Variants in MYRF observed in about 807,000 individuals in gnomAD.
MYRF encodes the protein myelin gene regulatory factor.
Under a neutral mutation model 126.3 loss-of-function variants are expected in MYRF, and 16 were observed. The observed-to-expected ratio is 0.13, with a 90% CI of 0.09 to 0.19. The LOEUF is 0.19. MYRF is among the 10% of genes least tolerant of loss of function. The pLI, the probability that MYRF is intolerant of heterozygous loss-of-function variation, is 1.00. For missense variants in MYRF, 1,104 were observed against 1,547.0 expected, an observed-to-expected ratio of 0.71 and a Z score of 4.80; for synonymous variants, 608 against 635.3, an observed-to-expected ratio of 0.96 and a Z score of 0.65.
Position 61,779,850 on chromosome 11 carries a change from C to A in MYRF, c.2256C>A (p.Ser752=). Residue 752 remains serine (S), a synonymous_variant, in exon 17 of 27, where the codon TCC becomes TCA. Transcript: ENST00000278836. The part of the protein sequence containing the change: ...RPPKVASKSS[S]VVPDQACISQ... The stretch of plus-strand genomic sequence containing the variant: ...TTCCTCTTGGTCCTCAGTCATCGTC[C>A]GTGGTTCCGGACCAGGCCTGCATCA... The A allele has an allele frequency of 6.2e-7, 1 of 1,613,788 alleles. No homozygotes were observed. Among genetic ancestry groups the A allele is most frequent in the Non-Finnish European group, 8.5e-7 (1 of 1,179,748 alleles).
chr11:61,766,887 G>GC, intron 3 of MYRF: 1 of 391,152 alleles, frequency 2.6e-6, no homozygotes, highest in Non-Finnish European at 5.2e-6. Context: ...AAATGTAGGG[G>GC]CCCCTGTCTC....
chr11:61,774,409 C>G (rs1472435930), intron 8 of MYRF, among the ~76,000 whole-genome samples: 1 of 151,780 alleles, frequency 6.6e-6, no homozygotes, highest in Non-Finnish European at 1.5e-5. Context: ...ATCTCAGCTA[C>G]TTGGGAAGCT....
At position 61,757,149 on chromosome 11, in the gene MYRF, G is replaced by A. The variant is rs1038623105; in HGVS notation, c.46+4359G>A. On this transcript the variant is annotated intron_variant, in intron 1 of 26. Coordinates refer to ENST00000278836, the MANE Select transcript of MYRF (RefSeq NM_001127392.3). The surrounding 1 kb of genome is among the most constrained non-coding windows in gnomAD (Gnocchi z 4.7). The stretch of plus-strand genomic sequence containing the variant: ...CTCAGTTTCTCTCATTGCCTTGGGT[G>A]CTGGAGTATGTGGGGCCTCCTCTCC... 2.2e-6 allele frequency: 1 copy of A among 456,924 alleles called. No homozygotes were observed. The highest frequency in any genetic ancestry group is 4.4e-6 in the Non-Finnish European group (1 of 226,950). 28.3% of individuals were successfully genotyped at this position (456,924 alleles called of 1,614,324 possible). A position where few individuals can be genotyped will look rare whatever the true frequency, so the allele number is the denominator to read the frequency against.
chr11:61,787,360 G>A lies in MYRF; in HGVS notation c.*1217G>A, dbSNP rs2066717912. 2 of 152,304 alleles carry A rather than the reference G, an allele frequency of 1.3e-5. No individual in the cohort carries two copies. Among genetic ancestry groups the A allele is most frequent in the African/African-American group, 2.4e-5 (1 of 41,428 alleles). 9.4% of individuals were successfully genotyped at this position (152,304 alleles called of 1,614,324 possible). On this transcript the variant is annotated 3_prime_UTR_variant, in exon 27 of 27. Coordinates refer to ENST00000278836, the MANE Select transcript of MYRF (RefSeq NM_001127392.3). ...TTCAAGTTTCTTAGTGGTGCCTGGT[G>A]CATTCCGAGGCTACATCCAGGCTCA...
At chr11:61,754,626 G>T (rs1322271035) in intron 1 of MYRF, among the ~76,000 whole-genome samples, 1 of 152,158 alleles carries the variant, frequency 6.6e-6, no homozygotes, top group Non-Finnish European at 1.5e-5. Context: ...TGGACTCCCT[G>T]GCTCCCTCCT....
In MYRF at chr11:61,777,909, T is replaced by C; in HGVS notation, c.1903+64T>C. 1 of 1,309,114 alleles carries C rather than the reference T, an allele frequency of 7.6e-7. No homozygotes were observed. Among genetic ancestry groups the C allele is most frequent in the Non-Finnish European group, 1.1e-6 (1 of 933,648 alleles). 81.1% of individuals were successfully genotyped at this position (1,309,114 alleles called of 1,614,324 possible). A position where few individuals can be genotyped will look rare whatever the true frequency, so the allele number is the denominator to read the frequency against. ...CAGAAACCTCGGGCCTCAGTGACCT[T>C]GCCCCCTGTCACCTGGAAATCCTAC... On this transcript the variant is annotated intron_variant, in intron 13 of 26. Coordinates refer to ENST00000278836, the MANE Select transcript of MYRF (RefSeq NM_001127392.3). This position sits in a 1 kb window ranked among gnomAD's most constrained non-coding sequence, Gnocchi z 8.8.
chr11:61,758,027 C>T (rs1373895809), intron 1 of MYRF, among the ~76,000 whole-genome samples: 7 of 152,164 alleles, frequency 4.6e-5, no homozygotes, highest in African/African-American at 1.4e-4. Flanking sequence ...TCAGAGCCCT[C>T]ACTCACATGG....
intron 3 of MYRF, chr11:61,766,924 G>A (rs1300951107): frequency 2.3e-6 from 1 of 441,612 alleles, no homozygotes; most frequent in Admixed American, 2.4e-5. Context: ...AAAACACTAG[G>A]TGCATGAACT....
At position 61,771,909 on chromosome 11, in the gene MYRF, C is replaced by G. The variant is rs1421001042; in HGVS notation, c.1072C>G (p.Gln358Glu). The G allele has an allele frequency of 3.7e-6, 6 of 1,614,126 alleles. No homozygotes were observed. The highest frequency in any genetic ancestry group is 5.1e-6 in the Non-Finnish European group (6 of 1,180,020). ...GTCCATCAAGTGGCAGCCTCATCAGCAGAACAAGTGGGCGACCCTGTACGA... is the reference window on the plus strand; with the variant it reads ...GTCCATCAAGTGGCAGCCTCATCAGGAGAACAAGTGGGCGACCCTGTACGA... ...YQSIKWQPHQ[Q>E]NKWATLYDAN... The change falls in exon 7 of 27, where the codon CAG becomes GAG. Residue 358 changes from glutamine (Q) to glutamate (E), a missense_variant. Transcript: ENST00000278836.
In MYRF at chr11:61,766,206, C is replaced by A. The variant is rs1449712377; in HGVS notation, c.383C>A (p.Ala128Asp). ...CCCCCCATCAAGGCTGAGCCCAAGG[C>A]TCCCTATGCCCCAGGGTGAGTAAGG... ...TGPPIKAEPK[A>D]PYAPGTLPDS... Residue 128 changes from alanine to aspartate, a missense_variant, in exon 3 of 27, where the codon GCT becomes GAT. By Grantham distance (126) the Ala-to-Asp change is moderately radical. Transcript: ENST00000278836. 2.5e-6 allele frequency: 4 copies of A among 1,607,898 alleles called. No individual in the cohort carries two copies. In the African/African-American group the frequency reaches 5.4e-5, roughly 22 times the overall value.
chr11:61,773,730 G>A (rs930266830), intron 7 of MYRF, among the ~76,000 whole-genome samples: 10 of 152,138 alleles, frequency 6.6e-5, no homozygotes, highest in East Asian at 1.9e-4. Flanking sequence ...AGGGCGGGGC[G>A]GTGGCCTAAG....
chr11:61,779,168 C>A, intron 14 of MYRF, 95 bp from the exon 15 acceptor site: 1 of 1,359,292 alleles, frequency 7.4e-7, no homozygotes, highest in Non-Finnish European at 9.8e-7. Context: ...CAGTGGCCGC[C>A]CCTCCTGCCC....
Position 61,786,372 on chromosome 11 carries a change from T to A in MYRF, c.*229T>A. On this transcript the variant is annotated 3_prime_UTR_variant, in exon 27 of 27. Coordinates refer to ENST00000278836, the MANE Select transcript of MYRF (RefSeq NM_001127392.3). This position sits in a 1 kb window ranked among gnomAD's most constrained non-coding sequence, Gnocchi z 4.5. ...GAGCCAGAGACTTCTTGGGCCTTCC[T>A]GCCTGCCACCCCCTAGGGGCCAGGA... 1.7e-6 allele frequency: 1 copy of A among 580,888 alleles called. No homozygotes were observed. The highest frequency in any genetic ancestry group is 3.1e-6 in the Non-Finnish European group (1 of 324,084). The allele number at this position is 580,888 out of a possible 1,614,324, so 36.0% of individuals were successfully genotyped here.
At chr11:61,773,892 C>A (rs2066295780) in intron 7 of MYRF, 75 bp from the exon 8 acceptor site, 7 of 1,338,656 alleles carry the variant, frequency 5.2e-6, no homozygotes, top group Admixed American at 2.3e-5. Context: ...GTTTTGGAAC[C>A]CAGCAGGTAG....
chr11:61,758,520 T>C (rs1301780505), intron 1 of MYRF, among the ~76,000 whole-genome samples: 1 of 152,038 alleles, frequency 6.6e-6, no homozygotes, highest in African/African-American at 2.4e-5. Flanking sequence ...AGGTGGGAGC[T>C]CTTCCTGGGT....
At chr11:61,780,390 C>T (rs1290883913) in intron 18 of MYRF, 100 bp downstream of exon 18, 1 of 1,062,716 alleles carries the variant, frequency 9.4e-7, no homozygotes, top group African/African-American at 1.6e-5. Flanking sequence ...TAAAGGAGTT[C>T]ATCCTTAGCC....
Position 61,777,625 on chromosome 11 carries a change from G to T in MYRF, c.1792-109G>T. 7.7e-7 allele frequency: 1 copy of T among 1,303,030 alleles called. No homozygotes were observed. Among genetic ancestry groups the T allele is most frequent in the Non-Finnish European group, 1.1e-6 (1 of 938,106 alleles). The allele number at this position is 1,303,030 out of a possible 1,614,324, so 80.7% of individuals were successfully genotyped here. On this transcript the variant is annotated intron_variant, in intron 12 of 26. Transcript: ENST00000278836. This position sits in a 1 kb window ranked among gnomAD's most constrained non-coding sequence, Gnocchi z 8.8. ...ATCCCGATCTAACCACTCCAGTGGT[G>T]GGGTCTCCTCTCCACACTGCAGCCT...
chr11:61,771,640 C>T lies in MYRF; in HGVS notation c.881C>T (p.Ser294Leu), dbSNP rs372592769. ...ALPLHPTRAPSPPWPPQGPLS... is the reference protein window; with the variant it reads ...ALPLHPTRAPLPPWPPQGPLS... ...CCTCTGCACCCCACTCGAGCCCCAT[C>T]GCCACCCTGGCCTCCCCAGGGTCCG... Residue 294 changes from serine to leucine, a missense_variant, in exon 6 of 27, where the codon TCG becomes TTG. By Grantham distance (145) the Ser-to-Leu change is moderately radical (BLOSUM62 -2). This residue lies in a region of MYRF where 368 missense variants were observed against 403.9 expected (regional missense o/e 0.91). Coordinates refer to ENST00000278836, the MANE Select transcript of MYRF (RefSeq NM_001127392.3). 9.3e-6 allele frequency: 15 copies of T among 1,613,886 alleles called. No individual in the cohort carries two copies. Among genetic ancestry groups the T allele is most frequent in the African/African-American group, 8.0e-5 (6 of 74,934 alleles).
rs759704915 is a variant in MYRF at position 61,774,071 on chromosome 11, A to G, written c.1220A>G (p.Tyr407Cys). The G allele has an allele frequency of 3.1e-6, 5 of 1,613,930 alleles. No homozygotes were observed. Among genetic ancestry groups the G allele is most frequent in the Non-Finnish European group, 4.2e-6 (5 of 1,179,978 alleles). Reference sequence around the variant, plus strand: ...AAGAACCACTTCCAGGTGACAGTGTACATCGGCATGCTGGGCGAGCCCAAG... The same window carrying G: ...AAGAACCACTTCCAGGTGACAGTGTGCATCGGCATGCTGGGCGAGCCCAAG... ...QKKNHFQVTV[Y>C]IGMLGEPKYV... is the part of the protein sequence containing the mutation. The change falls in exon 8 of 27, where the codon TAC (tyrosine) becomes TGC (cysteine). Residue 407 changes from tyrosine (Y) to cysteine (C), a missense_variant. Coordinates refer to ENST00000278836, the MANE Select transcript of MYRF (RefSeq NM_001127392.3).
Sources: allele counts gnomAD v4.1 joint callset (sites outside exome capture counted in the v4.1 genomes callset), GRCh38; gene constraint gnomAD v4.1.1; regional missense constraint gnomAD v4.1.1; non-coding constraint Gnocchi (gnomAD v3.1); transcripts MANE v1.5; gene names NCBI Gene and HGNC (gene_info 2026-07-23, HGNC 2026-07-21).